CTNNA2: variants seen among roughly 807,000 people sequenced by gnomAD.
CTNNA2 encodes catenin alpha-2.
CTNNA2 carries 42 observed loss-of-function variants against 101.0 expected under a neutral mutation model. The ratio of observed to expected loss-of-function variants is 0.42; its 90% CI spans 0.32 to 0.54. The LOEUF (loss-of-function observed/expected upper bound fraction) is 0.54. Among genes scored for constraint, CTNNA2 ranks in the 20% least tolerant of loss-of-function variants. CTNNA2 has a pLI of 0.14. For synonymous variants in CTNNA2, 450 were observed against 456.4 expected, an observed-to-expected ratio of 0.99 and a Z score of 0.18; for missense variants, 871 against 1,223.1, an observed-to-expected ratio of 0.71 and a Z score of 4.29.
chr2:79,559,253 G>GTATGTGCCA (rs1553427376), intron 1 of CTNNA2, among the ~76,000 whole-genome samples: 1 of 151,858 alleles, frequency 6.6e-6, no homozygotes, highest in Non-Finnish European at 1.5e-5. Flanking sequence ...TGCTTTCCTG[G>GTATGTGCCA]TATGTGCCAT....
intron 7 of CTNNA2, among the ~76,000 whole-genome samples, chr2:80,062,792 A>G (rs975226859): frequency 7.1e-6 from 1 of 140,578 alleles, no homozygotes; most frequent in Non-Finnish European, 1.5e-5. Flanking sequence ...TGCAAGCTCC[A>G]CCTGCCATGT....
chr2:79,989,780 T>C (rs1692037905), intron 7 of CTNNA2, among the ~76,000 whole-genome samples: 1 of 152,180 alleles, frequency 6.6e-6, no homozygotes, highest in Non-Finnish European at 1.5e-5. Context: ...GGAAACTGGA[T>C]CAGATCAAAT....
intron 3 of CTNNA2, among the ~76,000 whole-genome samples, chr2:79,808,036 C>A (rs1055783124): frequency 6.6e-6 from 1 of 152,104 alleles, no homozygotes. Context: ...TTTTCCTTTA[C>A]AAAAATTACT....
intron 9 of CTNNA2, among the ~76,000 whole-genome samples, chr2:80,484,518 G>C (rs1686400188): frequency 6.6e-6 from 1 of 152,154 alleles, no homozygotes; most frequent in Non-Finnish European, 1.5e-5. Flanking sequence ...ATATGGAACA[G>C]GAAATAGCCT....
At chr2:79,412,707 GAC>G (rs1436389770) in intron 4 of CTNNA2, among the ~76,000 whole-genome samples, 4 of 152,044 alleles carry the variant, frequency 2.6e-5, no homozygotes, top group Non-Finnish European at 5.9e-5. Context: ...CGAGAACAAA[GAC>G]ACAGCATACC....
At chr2:80,623,809 G>A (rs1671394102) in intron 18 of CTNNA2, among the ~76,000 whole-genome samples, 2 of 151,864 alleles carry the variant, frequency 1.3e-5, no homozygotes, top group Admixed American at 6.6e-5. Flanking sequence ...TCCCTGCAAG[G>A]CAACAGAACT....
intron 4 of CTNNA2, among the ~76,000 whole-genome samples, chr2:79,861,389 T>G (rs1306548704): frequency 6.6e-6 from 1 of 152,198 alleles, no homozygotes; most frequent in Non-Finnish European, 1.5e-5. Context: ...TATTCATGTT[T>G]TTTCATCAGC....
chr2:80,018,131 C>T (rs1253699061), intron 7 of CTNNA2, among the ~76,000 whole-genome samples: 2 of 152,044 alleles, frequency 1.3e-5, no homozygotes, highest in Non-Finnish European at 2.9e-5. Flanking sequence ...TTACAGAATT[C>T]GGCTTCATAA....
At chr2:80,197,246 A>T (rs1037116920) in intron 7 of CTNNA2, among the ~76,000 whole-genome samples, 1 of 152,172 alleles carries the variant, frequency 6.6e-6, no homozygotes, top group Admixed American at 6.5e-5. Flanking sequence ...CACATCGTTC[A>T]CCACTGGATA....
chr2:79,524,434 G>A (rs890656314), intron 1 of CTNNA2, among the ~76,000 whole-genome samples: 2 of 151,250 alleles, frequency 1.3e-5, no homozygotes, highest in African/African-American at 4.8e-5. Context: ...TCACTTTGTT[G>A]AAATACCTTA....
chr2:79,259,378 G>A (rs977232233), intron 2 of CTNNA2, among the ~76,000 whole-genome samples: 13 of 152,264 alleles, frequency 8.5e-5, no homozygotes, highest in African/African-American at 2.2e-4. Context: ...TACAGAAACC[G>A]AGTGAGCTAG....
chr2:80,548,077 T>A (rs776426509), intron 11 of CTNNA2, among the ~76,000 whole-genome samples: 1 of 152,198 alleles, frequency 6.6e-6, no homozygotes, highest in Non-Finnish European at 1.5e-5. Flanking sequence ...AATGAATCTC[T>A]CATAAGGTAT....
At chr2:80,631,606 G>GAAAC (rs2149832047) in intron 18 of CTNNA2, among the ~76,000 whole-genome samples, 1 of 152,232 alleles carries the variant, frequency 6.6e-6, no homozygotes. Flanking sequence ...CACTCCAGGA[G>GAAAC]AAACAGACTA....
intron 7 of CTNNA2, among the ~76,000 whole-genome samples, chr2:79,943,165 C>T (rs561202869): frequency 3.3e-5 from 5 of 152,018 alleles, no homozygotes; most frequent in East Asian, 1.9e-4. Flanking sequence ...TGCAGTGAGC[C>T]GAAATCACGC....
intron 4 of CTNNA2, among the ~76,000 whole-genome samples, chr2:79,386,750 G>T (rs1173858512): frequency 6.6e-6 from 1 of 152,108 alleles, no homozygotes; most frequent in Non-Finnish European, 1.5e-5. Context: ...ATTCCCACAT[G>T]CATGCTTGCT....
At chr2:79,595,823 GT>G (rs1677154476) in intron 1 of CTNNA2, among the ~76,000 whole-genome samples, 1 of 151,596 alleles carries the variant, frequency 6.6e-6, no homozygotes, top group Non-Finnish European at 1.5e-5. Flanking sequence ...AACTGATCAT[GT>G]GCTGTTTTGC....
chr2:80,509,098 C>A (rs17261690), intron 9 of CTNNA2, among the ~76,000 whole-genome samples: 3,779 of 152,272 alleles, frequency 0.025, 56 homozygotes, highest in Middle Eastern at 0.071. Context: ...GGAGGCTGTT[C>A]ACTCTTCTGT....
chr2:80,503,101 A>G (rs1435896659), intron 9 of CTNNA2, among the ~76,000 whole-genome samples: 1 of 152,114 alleles, frequency 6.6e-6, no homozygotes, highest in Non-Finnish European at 1.5e-5. Flanking sequence ...TGAGTCTGGG[A>G]GGTGGAGGCT....
At chr2:79,926,522 T>C (rs759066442) in intron 7 of CTNNA2, among the ~76,000 whole-genome samples, 8 of 152,100 alleles carry the variant, frequency 5.3e-5, no homozygotes, top group Non-Finnish European at 1.2e-4. Flanking sequence ...CCATACAGTT[T>C]AGCAGAACGA....
Sources: allele counts gnomAD v4.1 joint callset (sites outside exome capture counted in the v4.1 genomes callset), GRCh38; gene constraint gnomAD v4.1.1; transcripts MANE v1.5; gene names NCBI Gene and HGNC (gene_info 2026-07-23, HGNC 2026-07-21).